The following ZNF726 variants were observed in gnomAD, a reference collection of about 807,000 sequenced individuals.
ZNF726 encodes the protein zinc finger protein 92 pseudogene 3.
Under a neutral mutation model 11.6 loss-of-function variants are expected in ZNF726, and 15 were observed. The ratio of observed to expected loss-of-function variants is 1.29; its 90% CI spans 0.86 to 1.99. The LOEUF (loss-of-function observed/expected upper bound fraction) is 1.99. Among genes scored for constraint, ZNF726 ranks in the 30% most tolerant of loss-of-function variants. The pLI, the probability that ZNF726 is intolerant of heterozygous loss-of-function variation, is 0.00. For missense variants in ZNF726, 890 were observed against 725.6 expected (o/e 1.23, Z -2.60); for synonymous variants, 295 against 243.6 (o/e 1.21, Z -1.96).
intron 3 of ZNF726, among the ~76,000 whole-genome samples, chr19:23,929,546 C>T (rs1049945310): frequency 7.9e-5 from 12 of 152,236 alleles, no homozygotes; most frequent in Admixed American, 7.9e-4. Context: ...AGACCTGCCC[C>T]CATGATTCAA....
chr19:23,921,617 C>T (rs1416317256), intron 3 of ZNF726: 4 of 151,982 alleles, frequency 2.6e-5, no homozygotes, highest in Admixed American at 1.3e-4. Context: ...TAAATTTGTT[C>T]TAAAATTGAT....
At chr19:23,935,503 C>T (rs754724781), downstream of ZNF726, 23 of 439,776 alleles carry the variant, frequency 5.2e-5, no homozygotes, top group African/African-American at 4.1e-4. Context: ...GTCCTCAATT[C>T]TTAACAGATA....
At chr19:23,928,718 T>TA (rs1341152927) in intron 3 of ZNF726, 31 of 152,228 alleles carry the variant, frequency 2.0e-4, no homozygotes, top group African/African-American at 4.6e-4. Context: ...AATGAGTCCC[T>TA]TGTAGGTGGC....
chr19:23,922,174 C>G (rs958323231), intron 3 of ZNF726, among the ~76,000 whole-genome samples: 7 of 152,182 alleles, frequency 4.6e-5, no homozygotes, highest in Admixed American at 4.6e-4. Flanking sequence ...AAATTTTAGA[C>G]AGAGTGAGTA....
At chr19:23,928,455 C>T (rs945615996) in intron 3 of ZNF726, 1 of 151,990 alleles carries the variant, frequency 6.6e-6, no homozygotes, top group Non-Finnish European at 1.5e-5. Context: ...TCAATATTTA[C>T]TTTATATATT....
At chr19:23,921,698 T>C (rs1967855931) in intron 3 of ZNF726, among the ~76,000 whole-genome samples, 1 of 152,164 alleles carries the variant, frequency 6.6e-6, no homozygotes, top group African/African-American at 2.4e-5. Context: ...GTGTATGGAA[T>C]GATAACTTAT....
At chr19:23,939,875 T>C (rs1396529874) in intron 3 of ZNF726, among the ~76,000 whole-genome samples, 2 of 148,468 alleles carry the variant, frequency 1.3e-5, no homozygotes, top group African/African-American at 2.5e-5. Context: ...TTTTTTTTTT[T>C]TTTTTTTCTG....
intron 1 of ZNF726, 133 bp from the exon 2 acceptor site, chr19:23,919,240 T>C: frequency 7.1e-7 from 1 of 1,401,276 alleles, no homozygotes; most frequent in East Asian, 2.5e-5. Context: ...TTGACAATTA[T>C]TTTATTGGAT....
intron 3 of ZNF726, among the ~76,000 whole-genome samples, chr19:23,941,414 T>G (rs1211032470): frequency 1.3e-5 from 2 of 152,160 alleles, no homozygotes; most frequent in Non-Finnish European, 2.9e-5. Flanking sequence ...CATCAATGTT[T>G]GTCAAGGATA....
chr19:23,939,683 C>T (rs1438345239), intron 3 of ZNF726, among the ~76,000 whole-genome samples: 1 of 152,060 alleles, frequency 6.6e-6, no homozygotes, highest in African/African-American at 2.4e-5. Flanking sequence ...ACGCCAACAT[C>T]TACAGTTTTT....
intron 1 of ZNF726, among the ~76,000 whole-genome samples, chr19:23,915,320 C>T (rs980432275): frequency 2.0e-5 from 3 of 152,102 alleles, no homozygotes; most frequent in Admixed American, 6.6e-5. Flanking sequence ...ATCCTGACTC[C>T]GGGTGCGGGC....
At chr19:23,941,275 T>C (rs1968334298) in intron 3 of ZNF726, among the ~76,000 whole-genome samples, 2 of 152,228 alleles carry the variant, frequency 1.3e-5, no homozygotes, top group South Asian at 4.1e-4. Flanking sequence ...ATGTGGTGTA[T>C]CACATTTGTT....
At position 23,933,710 on chromosome 19, in the gene ZNF726, A is replaced by C. The variant is rs748068559; in HGVS notation, c.1594A>C (p.Thr532Pro). The C allele has an allele frequency of 1.2e-6, 2 of 1,612,442 alleles. No homozygotes were observed. The highest frequency in any genetic ancestry group is 1.7e-5 in the Admixed American group (1 of 59,976). ...STLSKHKRIHTGEKPYKCEEC... is the reference protein window; with the variant it reads ...STLSKHKRIHPGEKPYKCEEC... Reference sequence around the variant, plus strand: ...CCTATCTAAACATAAGAGGATTCACACTGGAGAGAAACCCTACAAATGTGA... The same window carrying C: ...CCTATCTAAACATAAGAGGATTCACCCTGGAGAGAAACCCTACAAATGTGA... Residue 532 changes from threonine to proline, a missense_variant, in exon 4 of 4, where the codon ACT becomes CCT. Thr to Pro is a conservative substitution (Grantham distance 38). Transcript: ENST00000594466.
At chr19:23,943,652 A>T (rs1340695798) in intron 4 of ZNF726, 3 of 508,590 alleles carry the variant, frequency 5.9e-6, no homozygotes, top group Non-Finnish European at 7.3e-6. Flanking sequence ...AAAGAATGCC[A>T]GACTTTAAAA....
downstream of ZNF726, among the ~76,000 whole-genome samples, chr19:23,939,213 A>G (rs1968298355): frequency 6.6e-6 from 1 of 151,948 alleles, no homozygotes; most frequent in Non-Finnish European, 1.5e-5. Context: ...CAGCAAGAAC[A>G]TATGATGTTT....
downstream of ZNF726, chr19:23,935,444 T>C (rs770985348): frequency 3.9e-6 from 2 of 516,598 alleles, no homozygotes; most frequent in Admixed American, 4.0e-5. Flanking sequence ...AGATAACTCA[T>C]ATTGGAGAGA....
At chr19:23,927,265 C>A (rs1048021287) in intron 3 of ZNF726, among the ~76,000 whole-genome samples, 1 of 152,048 alleles carries the variant, frequency 6.6e-6, no homozygotes, top group African/African-American at 2.4e-5. Flanking sequence ...CCTCACCCGG[C>A]CATAAAAATT....
intron 4 of ZNF726, chr19:23,944,343 T>C (rs1479494705): frequency 1.3e-5 from 2 of 152,200 alleles, no homozygotes; most frequent in African/African-American, 4.8e-5. Flanking sequence ...TTTCTTATAA[T>C]AAACTATTTT....
At position 23,932,436 on chromosome 19, in the gene ZNF726, G is replaced by C. The variant is rs746345803; in HGVS notation, c.320G>C (p.Gly107Ala). The change falls in exon 4 of 4, where the codon GGA (glycine) becomes GCA (alanine). Residue 107 changes from glycine (G) to alanine (A), a missense_variant. Coordinates refer to ENST00000594466, the MANE Select transcript of ZNF726 (RefSeq NM_001244038.2). The part of the protein sequence containing the change: ...KVILRRFEKC[G>A]HENLQLRKGC... ...ATACTAAGAAGATTTGAAAAATGTG[G>C]ACATGAGAATTTACAGTTAAGAAAA... 520 of 1,570,732 alleles carry C rather than the reference G, an allele frequency of 3.3e-4. No individual in the cohort carries two copies. The highest frequency in any genetic ancestry group is 4.3e-4 in the Non-Finnish European group (496 of 1,162,346).
Sources: allele counts gnomAD v4.1 joint callset (sites outside exome capture counted in the v4.1 genomes callset), GRCh38; gene constraint gnomAD v4.1.1; transcripts MANE v1.5; gene names NCBI Gene and HGNC (gene_info 2026-07-23, HGNC 2026-07-21).